Variants in SCN7A observed in about 807,000 individuals in gnomAD.
SCN7A encodes the protein sodium channel protein type 7 subunit alpha.
A neutral mutation model predicts 155.2 loss-of-function variants in SCN7A; 138 were observed. The observed-to-expected ratio is 0.89, with a 90% CI of 0.77 to 1.02. SCN7A has a LOEUF of 1.02. Ranked by LOEUF, SCN7A falls within the 50% of genes least tolerant of loss-of-function variation. SCN7A has a pLI of 0.00. For missense variants in SCN7A, 2,058 were observed against 1,986.6 expected (o/e 1.04, Z -0.68); for synonymous variants, 693 against 649.0 (o/e 1.07, Z -1.03).
intron 2 of SCN7A, among the ~76,000 whole-genome samples, chr2:166,484,446 A>AAATAGCTGAAACTCAGAGAAAT (rs2105530596): frequency 6.6e-6 from 1 of 151,916 alleles, no homozygotes; most frequent in East Asian, 1.9e-4. Flanking sequence ...ATAAATATAT[A>AAATAGCTGAAACTCAGAGAAAT]AATAGCTGAA....
chr2:166,446,368 C>G (rs1319516701), intron 12 of SCN7A, among the ~76,000 whole-genome samples: 1 of 152,102 alleles, frequency 6.6e-6, no homozygotes, highest in South Asian at 2.1e-4. Flanking sequence ...AGTCAGGAAA[C>G]AACAGATGCA....
At position 166,457,066 on chromosome 2, in the gene SCN7A, G is replaced by A; in HGVS notation, c.1094C>T (p.Ala365Val). Residue 365 changes from alanine to valine, a missense_variant, in exon 11 of 26, where the codon GCT becomes GTT. Ala to Val is a moderately conservative substitution (Grantham distance 64). Transcript: ENST00000643258. ...PEVLYHQILYASGKVYMIFFV... is the reference protein window; with the variant it reads ...PEVLYHQILYVSGKVYMIFFV... ...AAATATCATGTAGACCTTCCCAGAAGCATAAAGTATCTAAGGAAAGGTAGA... is the reference window on the plus strand; with the variant it reads ...AAATATCATGTAGACCTTCCCAGAAACATAAAGTATCTAAGGAAAGGTAGA... 6.2e-7 allele frequency: 1 copy of A among 1,603,064 alleles called. No homozygotes were observed. Among genetic ancestry groups the A allele is most frequent in the Non-Finnish European group, 8.5e-7 (1 of 1,174,568 alleles).
chr2:166,414,152 T>TATATATA (rs1701285385), intron 21 of SCN7A, among the ~76,000 whole-genome samples: 1 of 55,090 alleles, frequency 1.8e-5, no homozygotes, highest in African/African-American at 1.2e-4. Context: ...TATATATAAA[T>TATATATA]ATATATAATA....
chr2:166,409,559 A>AT, intron 25 of SCN7A, 106 bp downstream of exon 25: 1 of 881,940 alleles, frequency 1.1e-6, no homozygotes, highest in Non-Finnish European at 1.7e-6. Flanking sequence ...TTAGGAGACT[A>AT]TATTTCATGA....
chr2:166,436,781 C>G (rs1187810505), intron 15 of SCN7A, among the ~76,000 whole-genome samples: 1 of 152,148 alleles, frequency 6.6e-6, no homozygotes, highest in Non-Finnish European at 1.5e-5. Context: ...TTGTTGAGAA[C>G]TGGAGCAAAA....
intron 15 of SCN7A, among the ~76,000 whole-genome samples, chr2:166,440,399 C>T (rs748199673): frequency 8.5e-5 from 13 of 152,116 alleles, no homozygotes; most frequent in Non-Finnish European, 1.2e-4. Context: ...ATGTAGATTA[C>T]GCTTGCATAG....
chr2:166,464,976 G>T (rs1702496334), intron 9 of SCN7A, among the ~76,000 whole-genome samples: 1 of 152,094 alleles, frequency 6.6e-6, no homozygotes, highest in Non-Finnish European at 1.5e-5. Flanking sequence ...TTCTGCTATG[G>T]TCTGAATGTT....
chr2:166,451,206 C>T (rs1005950181), intron 11 of SCN7A, among the ~76,000 whole-genome samples: 66 of 152,058 alleles, frequency 4.3e-4, no homozygotes, highest in Non-Finnish European at 1.5e-5. Context: ...AGTCAGTGCT[C>T]AATTCTCTAC....
chr2:166,420,557 C>T (rs2105388441), intron 20 of SCN7A, among the ~76,000 whole-genome samples: 1 of 152,044 alleles, frequency 6.6e-6, no homozygotes, highest in South Asian at 2.1e-4. Context: ...ATGGGATTTC[C>T]ATTTCAGGTA....
intron 9 of SCN7A, among the ~76,000 whole-genome samples, chr2:166,463,073 C>T (rs13029092): frequency 0.13 from 19,251 of 152,132 alleles, 1,339 homozygotes; most frequent in Middle Eastern, 0.16. Flanking sequence ...ACTGATACAA[C>T]TGCAATGGTT....
chr2:166,446,242 T>C (rs1213765734), intron 12 of SCN7A, among the ~76,000 whole-genome samples: 2 of 152,136 alleles, frequency 1.3e-5, no homozygotes, highest in East Asian at 3.9e-4. Flanking sequence ...AAGAAGACAT[T>C]TGTGTGGCCA....
intron 20 of SCN7A, among the ~76,000 whole-genome samples, chr2:166,419,204 TAA>T (rs1701455524): frequency 6.6e-6 from 1 of 152,110 alleles, no homozygotes; most frequent in South Asian, 2.1e-4. Context: ...TTTTTGAAAA[TAA>T]AAAAGAGTTT....
Position 166,406,017 on chromosome 2 carries a change from G to A in SCN7A, c.4612C>T (p.Leu1538Phe). The change falls in exon 26 of 26, where the codon CTT becomes TTT. Residue 1538 changes from leucine to phenylalanine, a missense_variant. Physicochemically the swap from Leu to Phe is conservative, Grantham distance 22. Transcript: ENST00000643258. ...TCAAGAGCAGCTGCAAAATCTGAAAGCTTGCTAGAGTCTATGTACTGGGTC... is the reference window on the plus strand; with the variant it reads ...TCAAGAGCAGCTGCAAAATCTGAAAACTTGCTAGAGTCTATGTACTGGGTC... ...DRTQYIDSSKLSDFAAALDPP... is the reference protein window; with the variant it reads ...DRTQYIDSSKFSDFAAALDPP... The A allele has an allele frequency of 6.2e-7, 1 of 1,612,890 alleles. No homozygotes were observed. Among genetic ancestry groups the A allele is most frequent in the Non-Finnish European group, 8.5e-7 (1 of 1,179,376 alleles).
In SCN7A at chr2:166,470,665, A is replaced by T; in HGVS notation, c.614T>A (p.Leu205His). 6.2e-7 allele frequency: 1 copy of T among 1,609,344 alleles called. No homozygotes were observed. Among genetic ancestry groups the T allele is most frequent in the Non-Finnish European group, 8.5e-7 (1 of 1,177,096 alleles). ...RYSPLDFIPT[L>H]QTARTLRILK... ...AATTCTCAAAGTTCTTGCAGTTTGA[A>T]GCGTTGGAATGAAGTCCAGAGGTGA... is the stretch of plus-strand genomic sequence containing the variant. Residue 205 changes from leucine to histidine, a missense_variant, in exon 7 of 26, where the codon CTT (leucine) becomes CAT (histidine). By Grantham distance (99) the Leu-to-His change is moderately conservative (BLOSUM62 -3). Transcript: ENST00000643258.
chr2:166,454,843 T>G (rs1702242526), intron 11 of SCN7A, among the ~76,000 whole-genome samples: 1 of 152,182 alleles, frequency 6.6e-6, no homozygotes, highest in Non-Finnish European at 1.5e-5. Flanking sequence ...GCAGTTTAGA[T>G]TTTTAAAGAC....
intron 19 of SCN7A, among the ~76,000 whole-genome samples, chr2:166,422,586 A>T (rs2105392621): frequency 6.6e-6 from 1 of 152,286 alleles, no homozygotes; most frequent in East Asian, 1.9e-4. Flanking sequence ...GAAGTGCTCC[A>T]TGAAGGCTGG....
At chr2:166,479,739 A>G (rs1310030409) in intron 2 of SCN7A, among the ~76,000 whole-genome samples, 3 of 152,182 alleles carry the variant, frequency 2.0e-5, no homozygotes, top group Non-Finnish European at 4.4e-5. Context: ...GGATTCATTT[A>G]CAAGAACCAG....
chr2:166,418,117 T>A (rs11681682), intron 20 of SCN7A, among the ~76,000 whole-genome samples: 70,655 of 149,896 alleles, frequency 0.47, 16,812 homozygotes, highest in Non-Finnish European at 0.5. Flanking sequence ...TTTTTTATTT[T>A]TTTATTTATT....
At chr2:166,474,155 A>C in intron 4 of SCN7A, 71 bp downstream of exon 4, 1 of 670,482 alleles carries the variant, frequency 1.5e-6, no homozygotes, top group Non-Finnish European at 2.4e-6. Flanking sequence ...CTGCAGAAAT[A>C]ATTGAATAAT....
Sources: gnomAD v4.1 joint callset for allele counts (sites outside exome capture counted in the v4.1 genomes callset) on GRCh38, gnomAD v4.1.1 for gene constraint, MANE v1.5 for transcripts, NCBI Gene and HGNC (gene_info 2026-07-23, HGNC 2026-07-21) for gene names.